The following ZMYM5 variants were observed in gnomAD, a reference collection of about 807,000 sequenced individuals.
ZMYM5 encodes zinc finger MYM-type protein 5.
In ZMYM5, 41 loss-of-function variants were observed where a neutral mutation model predicts 61.8. The ratio of observed to expected loss-of-function variants is 0.66; its 90% CI spans 0.52 to 0.86. The LOEUF (loss-of-function observed/expected upper bound fraction) is 0.86, where lower values mean the gene tolerates loss of function less well. ZMYM5 is among the 40% of genes least tolerant of loss of function. The pLI is 0.00. For missense variants in ZMYM5, 706 were observed against 786.7 expected (o/e 0.90, Z 1.23); for synonymous variants, 257 against 276.4 (o/e 0.93, Z 0.70).
intron 2 of ZMYM5, among the ~76,000 whole-genome samples, chr13:19,857,098 T>A (rs935376209): frequency 6.6e-6 from 1 of 152,336 alleles, no homozygotes; most frequent in East Asian, 1.9e-4. Context: ...AGAGCGAGAC[T>A]CCGTCTCAAA....
At chr13:19,827,425 A>G (rs998696706) in intron 7 of ZMYM5, among the ~76,000 whole-genome samples, 5 of 152,184 alleles carry the variant, frequency 3.3e-5, no homozygotes, top group African/African-American at 1.2e-4. Flanking sequence ...TAAGCATACT[A>G]TTTTAATCCA....
Position 19,837,693 on chromosome 13 carries a change from T to A in ZMYM5, c.1001A>T (p.Asn334Ile). The A allele has an allele frequency of 6.3e-7, 1 of 1,579,402 alleles. No individual in the cohort carries two copies. The highest frequency in any genetic ancestry group is 1.2e-5 in the South Asian group (1 of 84,964). Residue 334 changes from asparagine (N) to isoleucine (I), a missense_variant, in exon 6 of 8, where the codon AAT (asparagine) becomes ATT (isoleucine). Physicochemically the swap from Asn to Ile is moderately radical, Grantham distance 149. Around this residue, in one of 2 missense-constraint regions of ZMYM5, gnomAD observed 480 missense variants for 461.7 expected, o/e 1.04. Transcript: ENST00000337963. The part of the protein sequence containing the change: ...NNWNLKKGVF[N>I]KSRCTICSKL... ...ACTACAAATTGTACATCTTGACTTA[T>A]TAAAAACTCCTTTTTTAAGATTCCA...
In ZMYM5 at chr13:19,823,513, TTA is replaced by T. The variant is rs1198219587; in HGVS notation, c.*962_*963del. On this transcript the variant is annotated 3_prime_UTR_variant, in exon 8 of 8. Transcript: ENST00000337963. The stretch of plus-strand genomic sequence containing the variant: ...TAATATATACTTATTTTAATATTTT[TTA>T]TATTTTTATCAACATAAAATAGGTA... The T allele has an allele frequency of 6.6e-6, 1 of 152,132 alleles. No homozygotes were observed. Among genetic ancestry groups the T allele is most frequent in the Admixed American group, 6.6e-5 (1 of 15,258 alleles). 9.4% of individuals were successfully genotyped at this position (152,132 alleles called of 1,614,324 possible). A position where few individuals can be genotyped will look rare whatever the true frequency, so the allele number is the denominator to read the frequency against.
At chr13:19,840,950 T>C (rs1952854511) in intron 4 of ZMYM5, among the ~76,000 whole-genome samples, 1 of 151,556 alleles carries the variant, frequency 6.6e-6, no homozygotes, top group African/African-American at 2.4e-5. Context: ...GTGCTGGGAT[T>C]ACAGGCCTGA....
At chr13:19,862,613 T>C (rs1044011966) in intron 1 of ZMYM5, 147 bp from the exon 2 acceptor site, 1 of 149,436 alleles carries the variant, frequency 6.7e-6, no homozygotes, top group Non-Finnish European at 1.5e-5. Flanking sequence ...AGAAACTAAG[T>C]TGAAAAAAAA....
At chr13:19,828,430 T>C (rs1891027835) in intron 7 of ZMYM5, among the ~76,000 whole-genome samples, 1 of 151,420 alleles carries the variant, frequency 6.6e-6, no homozygotes, top group Admixed American at 6.6e-5. Flanking sequence ...GCTGAGATCG[T>C]GCCATTGCAC....
At chr13:19,858,478 G>A (rs1953592352) in intron 2 of ZMYM5, among the ~76,000 whole-genome samples, 1 of 151,550 alleles carries the variant, frequency 6.6e-6, no homozygotes, top group African/African-American at 2.4e-5. Context: ...CCAGCTACTT[G>A]GGAAACTGAG....
intron 2 of ZMYM5, among the ~76,000 whole-genome samples, chr13:19,861,843 T>C (rs1312453110): frequency 2.7e-5 from 4 of 146,720 alleles, no homozygotes; most frequent in African/African-American, 2.5e-5. Context: ...GATCACTGTC[T>C]AGTAGCAAAA....
chr13:19,862,098 A>G (rs1035249677), intron 2 of ZMYM5, among the ~76,000 whole-genome samples: 3 of 152,196 alleles, frequency 2.0e-5, no homozygotes, highest in African/African-American at 7.2e-5. Context: ...TCCAACAGTA[A>G]AAAAGTTTTT....
intron 4 of ZMYM5, among the ~76,000 whole-genome samples, chr13:19,848,422 C>A (rs1430224825): frequency 6.6e-6 from 1 of 151,930 alleles, no homozygotes; most frequent in Non-Finnish European, 1.5e-5. Flanking sequence ...GCTGCAATTA[C>A]AGATGTGAGC....
chr13:19,840,388 T>C (rs966406962), intron 4 of ZMYM5, among the ~76,000 whole-genome samples: 9 of 152,320 alleles, frequency 5.9e-5, no homozygotes, highest in Admixed American at 1.3e-4. Context: ...GGCGCTCGCT[T>C]GCAGTCCCAG....
intron 2 of ZMYM5, among the ~76,000 whole-genome samples, chr13:19,858,056 C>T (rs1593921776): frequency 6.6e-6 from 1 of 150,378 alleles, no homozygotes; most frequent in East Asian, 2.0e-4. Flanking sequence ...ATTAGCTGGG[C>T]ATGGTGGTGC....
chr13:19,860,353 C>G (rs1302882113), intron 2 of ZMYM5, among the ~76,000 whole-genome samples: 1 of 149,638 alleles, frequency 6.7e-6, no homozygotes, highest in Non-Finnish European at 1.5e-5. Context: ...AGTGCAATGG[C>G]ACAATCTCGG....
Position 19,826,559 on chromosome 13 carries a change from G to A in ZMYM5, c.1252-1324C>T, listed in dbSNP as rs142852235. 4.9e-3 allele frequency among the ~76,000 whole-genome samples: 745 copies of A among 151,666 alleles called. 8 individuals are homozygous for A. Among genetic ancestry groups the A allele is most frequent in the African/African-American group, 0.017 (717 of 41,356 alleles). On this transcript the variant is annotated intron_variant, in intron 7 of 7. Transcript: ENST00000337963. Reference sequence around the variant, plus strand: ...ATCACGAGGTCAGGAGTTCGAGACCGGCCTAACCAAGATGGTGAAAACCTG... The same window carrying A: ...ATCACGAGGTCAGGAGTTCGAGACCAGCCTAACCAAGATGGTGAAAACCTG...
At chr13:19,830,515 C>T (rs1891147296) in intron 7 of ZMYM5, among the ~76,000 whole-genome samples, 2 of 152,138 alleles carry the variant, frequency 1.3e-5, no homozygotes, top group Admixed American at 6.6e-5. Flanking sequence ...CCTGGGACTA[C>T]TGGTATGAAC....
intron 2 of ZMYM5, among the ~76,000 whole-genome samples, chr13:19,859,338 T>C (rs1032155657): frequency 2.0e-5 from 3 of 152,188 alleles, no homozygotes; most frequent in Non-Finnish European, 4.4e-5. Flanking sequence ...ACCCGCAAGC[T>C]TCAAGTTGGA....
intron 4 of ZMYM5, among the ~76,000 whole-genome samples, chr13:19,840,883 T>C (rs999928784): frequency 3.3e-5 from 5 of 151,918 alleles, no homozygotes; most frequent in Non-Finnish European, 5.9e-5. Context: ...TTCACCGTAT[T>C]AGCCAGGATG....
intron 2 of ZMYM5, among the ~76,000 whole-genome samples, chr13:19,860,101 C>CAA (rs537760988): frequency 6.1e-3 from 179 of 29,258 alleles, no homozygotes; most frequent in South Asian, 7.9e-3. Flanking sequence ...AAGACTGTCT[C>CAA]AAAAAAAAAA....
In ZMYM5 at chr13:19,853,608, TTTTC is replaced by T. The variant is rs1414377350; in HGVS notation, c.-10-1422_-10-1419del. Among the ~76,000 whole-genome samples the T allele has an allele frequency of 5.3e-4, 80 of 151,818 alleles. 1 individual carries two copies. The highest frequency in any genetic ancestry group is 1.1e-3 in the African/African-American group (44 of 41,404). The stretch of plus-strand genomic sequence containing the variant: ...ACAACAGGCGTGGCCTCAGTTTTTT[TTTTC>T]TTTCTTTTTTTTTTTTGTCCTGTCT... On this transcript the variant is annotated intron_variant, in intron 2 of 7. Coordinates refer to ENST00000337963, the MANE Select transcript of ZMYM5 (RefSeq NM_001142684.2).
Sources: gnomAD v4.1 joint callset for allele counts (sites outside exome capture counted in the v4.1 genomes callset) on GRCh38, gnomAD v4.1.1 for gene constraint, gnomAD v4.1.1 regional missense constraint, MANE v1.5 for transcripts, NCBI Gene and HGNC (gene_info 2026-07-23, HGNC 2026-07-21) for gene names.